The following PCDHGB1 variants were observed in gnomAD, a reference collection of about 807,000 sequenced individuals.
PCDHGB1 encodes protocadherin gamma subfamily B, 1.
PCDHGB1 carries 34 observed loss-of-function variants against 56.6 expected under a neutral mutation model. The ratio of observed to expected loss-of-function variants is 0.60; its 90% CI spans 0.46 to 0.80. PCDHGB1 has a LOEUF of 0.80. PCDHGB1 is among the 30% of genes least tolerant of loss of function. The probability of loss-of-function intolerance (pLI) is 0.00; values close to 1 mark genes in which losing one functional copy is unlikely to be tolerated. For missense variants in PCDHGB1, 1,278 were observed against 1,204.6 expected (o/e 1.06, Z -0.90); for synonymous variants, 561 against 505.9 (o/e 1.11, Z -1.46).
At chr5:141,412,779 C>A (rs966431850) in intron 1 of PCDHGB1, among the ~76,000 whole-genome samples, 6 of 152,168 alleles carry the variant, frequency 3.9e-5, no homozygotes, top group Non-Finnish European at 7.3e-5. Context: ...ACAATATTTT[C>A]ACTCCACTTT....
chr5:141,370,484 C>G (rs750551260), intron 1 of PCDHGB1: 1 of 1,613,866 alleles, frequency 6.2e-7, no homozygotes, highest in African/African-American at 1.3e-5. Context: ...AGGCTCTCTC[C>G]GAACCGATCC....
chr5:141,398,985 A>C, intron 1 of PCDHGB1: 2 of 1,613,964 alleles, frequency 1.2e-6, no homozygotes, highest in Non-Finnish European at 1.7e-6. Context: ...GAACCGGGCA[A>C]ATCTTTAGTC....
intron 1 of PCDHGB1, among the ~76,000 whole-genome samples, chr5:141,482,329 T>C (rs1334833454): frequency 6.6e-6 from 1 of 152,160 alleles, no homozygotes; most frequent in Non-Finnish European, 1.5e-5. Context: ...ATAAAGAGAA[T>C]ATCTACTTTG....
At chr5:141,471,252 T>C (rs1003162914) in intron 1 of PCDHGB1, 1 of 151,872 alleles carries the variant, frequency 6.6e-6, no homozygotes, top group Non-Finnish European at 1.5e-5. Flanking sequence ...GGTTTCACCA[T>C]GTTGGCAAGG....
At position 141,400,283 on chromosome 5, in the gene PCDHGB1, C is replaced by T. The variant is rs566639489; in HGVS notation, c.2409+47614C>T. 2.5e-6 allele frequency: 4 copies of T among 1,614,084 alleles called. No individual in the cohort carries two copies. In the African/African-American group the frequency reaches 5.3e-5, roughly 22 times the overall value. On this transcript the variant is annotated intron_variant, in intron 1 of 3. Coordinates refer to ENST00000523390, the MANE Select transcript of PCDHGB1 (RefSeq NM_018922.3). The stretch of plus-strand genomic sequence containing the variant: ...CTGCGACGCTCCTCCAGCCCTGCCG[C>T]CTGGAGCTGCTTCCAACCTGGTCTC...
intron 2 of PCDHGB1, among the ~76,000 whole-genome samples, chr5:141,495,440 A>G (rs2099761377): frequency 6.6e-6 from 1 of 151,898 alleles, no homozygotes; most frequent in African/African-American, 2.4e-5. Context: ...CTCTGCCCCT[A>G]CTTGTCCTGC....
At chr5:141,374,714 G>A (rs1236113306) in intron 1 of PCDHGB1, 1 of 1,609,850 alleles carries the variant, frequency 6.2e-7, no homozygotes, top group Middle Eastern at 1.7e-4. Flanking sequence ...TTACCGCCTG[G>A]TCCTTACTGC....
chr5:141,364,895 C>T lies in PCDHGB1; in HGVS notation c.2409+12226C>T, dbSNP rs200656228. The T allele has an allele frequency of 3.7e-6, 6 of 1,613,860 alleles. No homozygotes were observed. The African/African-American group carries it at 6.7e-5, about 18-fold the overall frequency. ...GGATGTGGTAAGCGGAACTGATGGA[C>T]AAAAGTATCCGGAGCTGGTGTTGGA... On this transcript the variant is annotated intron_variant, in intron 1 of 3. Coordinates refer to ENST00000523390, the MANE Select transcript of PCDHGB1 (RefSeq NM_018922.3).
intron 1 of PCDHGB1, among the ~76,000 whole-genome samples, chr5:141,484,021 G>A (rs892390865): frequency 2.6e-5 from 4 of 151,080 alleles, no homozygotes; most frequent in African/African-American, 9.7e-5. Context: ...GGGGTGGGGT[G>A]AGATCAAGTC....
intron 1 of PCDHGB1, chr5:141,357,059 G>T: frequency 6.2e-7 from 1 of 1,613,980 alleles, no homozygotes; most frequent in Non-Finnish European, 8.5e-7. Context: ...TTTGCAGTGG[G>T]GCTGCACACA....
At chr5:141,500,260 C>G (rs2099798502) in intron 2 of PCDHGB1, among the ~76,000 whole-genome samples, 3 of 151,104 alleles carry the variant, frequency 2.0e-5, no homozygotes, top group African/African-American at 2.4e-5. Flanking sequence ...CCAGGCTGGA[C>G]TGCAGTGGCG....
intron 1 of PCDHGB1, chr5:141,372,696 C>T: frequency 6.2e-7 from 1 of 1,613,994 alleles, no homozygotes; most frequent in Non-Finnish European, 8.5e-7. Context: ...GTTTAAATTT[C>T]TCAATATAAA....
chr5:141,403,581 T>C (rs2094427540), intron 1 of PCDHGB1: 8 of 1,613,936 alleles, frequency 5.0e-6, no homozygotes, highest in Non-Finnish European at 6.8e-6. Flanking sequence ...GCCCACCACC[T>C]GGTCCTCACG....
intron 1 of PCDHGB1, chr5:141,400,143 T>G: frequency 6.2e-7 from 1 of 1,614,104 alleles, no homozygotes; most frequent in Non-Finnish European, 8.5e-7. Context: ...CGGATATCAC[T>G]GACCGCCCTG....
chr5:141,370,896 C>A, intron 1 of PCDHGB1: 1 of 1,614,040 alleles, frequency 6.2e-7, no homozygotes. Context: ...CAATTCGCTG[C>A]AGCAGTACTA....
rs771884610 is a variant in PCDHGB1, at chr5:141,491,436, G to T, written c.2410-3371G>T. 1 of 1,614,070 alleles carries T rather than the reference G, an allele frequency of 6.2e-7. No individual in the cohort carries two copies. ...ACGGGGGTGGAGGGCAGTGCTGCAGGCGCCAGGACTCACCCTCCCCGGACT... is the reference window on the plus strand; with the variant it reads ...ACGGGGGTGGAGGGCAGTGCTGCAGTCGCCAGGACTCACCCTCCCCGGACT... On this transcript the variant is annotated intron_variant, in intron 1 of 3. Coordinates refer to ENST00000523390, the MANE Select transcript of PCDHGB1 (RefSeq NM_018922.3). The surrounding 1 kb of genome is among the most constrained non-coding windows in gnomAD (Gnocchi z 6.9).
At chr5:141,391,345 G>C (rs1233916830) in intron 1 of PCDHGB1, 1 of 139,580 alleles carries the variant, frequency 7.2e-6, no homozygotes, top group Admixed American at 7.6e-5. Context: ...CAGAGTCTCT[G>C]TCTGTTACTC....
chr5:141,370,453 T>A lies in PCDHGB1; in HGVS notation c.2409+17784T>A, dbSNP rs6860590. ...GGGCAGAGGCGAATGCTATTTCTCT[T>A]CCTGCTCTCTTTGTTAGACCAGGCT... On this transcript the variant is annotated intron_variant, in intron 1 of 3. Transcript: ENST00000523390. 2,396 of 1,611,648 alleles carry A rather than the reference T, an allele frequency of 1.5e-3. 32 individuals are homozygous for A. In the African/African-American group the frequency reaches 0.028, roughly 19 times the overall value.
chr5:141,360,010 C>A, intron 1 of PCDHGB1: 1 of 1,236,796 alleles, frequency 8.1e-7, no homozygotes, highest in Non-Finnish European at 1.1e-6. Flanking sequence ...AAACCAACCA[C>A]ACAGAGAAGG....
Sources: gnomAD v4.1 joint callset for allele counts (sites outside exome capture counted in the v4.1 genomes callset) on GRCh38, gnomAD v4.1.1 for gene constraint, Gnocchi (gnomAD v3.1) non-coding constraint, MANE v1.5 for transcripts, NCBI Gene and HGNC (gene_info 2026-07-23, HGNC 2026-07-21) for gene names.